The following PCSK2 variants were observed in gnomAD, a reference collection of about 807,000 sequenced individuals.
PCSK2 encodes the protein neuroendocrine convertase 2.
PCSK2 carries 14 observed loss-of-function variants against 69.7 expected under a neutral mutation model. The ratio of observed to expected loss-of-function variants is 0.20; its 90% CI spans 0.13 to 0.31. PCSK2 has a LOEUF of 0.31. Among genes scored for constraint, PCSK2 ranks in the 10% least tolerant of loss-of-function variants. The pLI, the probability that PCSK2 is intolerant of heterozygous loss-of-function variation, is 1.00. For missense variants in PCSK2, 544 were observed against 842.5 expected, an observed-to-expected ratio of 0.65 and a Z score of 4.39; for synonymous variants, 307 against 320.7, an observed-to-expected ratio of 0.96 and a Z score of 0.46.
chr20:17,304,335 T>A (rs971681381), intron 2 of PCSK2, among the ~76,000 whole-genome samples: 1 of 152,188 alleles, frequency 6.6e-6, no homozygotes, highest in Non-Finnish European at 1.5e-5. Context: ...AAGGAATTAA[T>A]AGCAGTAACA....
chr20:17,373,906 A>G (rs1384402926), intron 5 of PCSK2, among the ~76,000 whole-genome samples: 1 of 152,224 alleles, frequency 6.6e-6, no homozygotes, highest in Non-Finnish European at 1.5e-5. Context: ...GGCCACTTGG[A>G]TTATTACTCT....
chr20:17,318,928 G>A (rs1989777655), intron 2 of PCSK2, among the ~76,000 whole-genome samples: 1 of 152,138 alleles, frequency 6.6e-6, no homozygotes, highest in African/African-American at 2.4e-5. Flanking sequence ...CAGAAATGGG[G>A]GAATAAGACA....
chr20:17,434,778 C>T (rs775567233), intron 7 of PCSK2, among the ~76,000 whole-genome samples: 4 of 152,172 alleles, frequency 2.6e-5, no homozygotes, highest in Non-Finnish European at 4.4e-5. Context: ...CATCTTGGCA[C>T]TAGGCAAGTT....
chr20:17,243,870 A>G (rs1986675993), intron 1 of PCSK2, among the ~76,000 whole-genome samples: 1 of 151,918 alleles, frequency 6.6e-6, no homozygotes, highest in Non-Finnish European at 1.5e-5. Context: ...AGAAAGACAG[A>G]TAGACTAAGA....
chr20:17,243,158 T>C (rs147877142), intron 1 of PCSK2, among the ~76,000 whole-genome samples: 3 of 152,214 alleles, frequency 2.0e-5, no homozygotes, highest in Non-Finnish European at 2.9e-5. Context: ...ATAAAAGTCA[T>C]GTACTCTATA....
intron 5 of PCSK2, among the ~76,000 whole-genome samples, chr20:17,387,468 G>A (rs1040227968): frequency 5.3e-5 from 8 of 152,246 alleles, no homozygotes; most frequent in Non-Finnish European, 8.8e-5. Flanking sequence ...CTGGAGGATC[G>A]ACTTCCAAGA....
intron 7 of PCSK2, among the ~76,000 whole-genome samples, chr20:17,432,660 A>G (rs752728754): frequency 7.9e-5 from 12 of 152,370 alleles, no homozygotes; most frequent in South Asian, 6.2e-4. Flanking sequence ...AAAATCCACA[A>G]AACCAAGCAA....
chr20:17,461,253 A>G (rs1331137106), intron 10 of PCSK2, among the ~76,000 whole-genome samples: 1 of 152,184 alleles, frequency 6.6e-6, no homozygotes, highest in African/African-American at 2.4e-5. Flanking sequence ...GTGAGCAAAC[A>G]AAGGCTATGG....
chr20:17,407,305 C>T (rs1166131575), intron 5 of PCSK2, among the ~76,000 whole-genome samples: 1 of 152,126 alleles, frequency 6.6e-6, no homozygotes, highest in Non-Finnish European at 1.5e-5. Flanking sequence ...GCTGAGTGGC[C>T]ACTCGTGCTG....
In PCSK2 at chr20:17,482,060, A is replaced by G; in HGVS notation, c.1907A>G (p.Asn636Ser). ...GAGAGAAGCCTGAAAAGCATCCTTAACAAGAACTAGCGCTGCACATCCGCC... is the reference window on the plus strand; with the variant it reads ...GAGAGAAGCCTGAAAAGCATCCTTAGCAAGAACTAGCGCTGCACATCCGCC... ...AVERSLKSIL[N>S]KN is the part of the protein sequence containing the mutation. The change falls in exon 12 of 12, where the codon AAC (asparagine) becomes AGC (serine). Residue 636 changes from asparagine (N) to serine (S), a missense_variant. Asn to Ser is a conservative substitution (Grantham distance 46, BLOSUM62 1). This residue lies in a region of PCSK2 where 200 missense variants were observed against 287.8 expected (regional missense o/e 0.69). Transcript: ENST00000262545. 6.3e-7 allele frequency: 1 copy of G among 1,589,180 alleles called. No homozygotes were observed. The highest frequency in any genetic ancestry group is 8.6e-7 in the Non-Finnish European group (1 of 1,169,398).
At chr20:17,428,973 T>A (rs937007616) in intron 6 of PCSK2, among the ~76,000 whole-genome samples, 1 of 112,174 alleles carries the variant, frequency 8.9e-6, no homozygotes, top group African/African-American at 3.5e-5. Flanking sequence ...CATTCCAGCC[T>A]GGGTGACCGA....
At chr20:17,257,449 T>A (rs890224186) in intron 1 of PCSK2, among the ~76,000 whole-genome samples, 2 of 152,206 alleles carry the variant, frequency 1.3e-5, no homozygotes, top group Admixed American at 6.5e-5. Context: ...TTATAAATCA[T>A]TCTACTCTAA....
intron 9 of PCSK2, among the ~76,000 whole-genome samples, chr20:17,454,903 C>G (rs1600593595): frequency 6.6e-6 from 1 of 152,198 alleles, no homozygotes; most frequent in Non-Finnish European, 1.5e-5. Context: ...AGGAGAAGCC[C>G]TTTACCTGGA....
intron 1 of PCSK2, among the ~76,000 whole-genome samples, chr20:17,247,770 A>C (rs1986820320): frequency 6.6e-6 from 1 of 152,264 alleles, no homozygotes; most frequent in Non-Finnish European, 1.5e-5. Flanking sequence ...AGAGAACTCT[A>C]GTGTTTAAAA....
intron 11 of PCSK2, among the ~76,000 whole-genome samples, chr20:17,468,610 G>A (rs978953285): frequency 4.8e-5 from 7 of 145,908 alleles, no homozygotes; most frequent in South Asian, 2.2e-4. Context: ...GCTCCTCCAC[G>A]GGCCAGTGTC....
intron 5 of PCSK2, among the ~76,000 whole-genome samples, chr20:17,391,278 A>G (rs1411819057): frequency 2.6e-5 from 4 of 152,242 alleles, no homozygotes; most frequent in Admixed American, 6.5e-5. Flanking sequence ...ATGCTGAAAT[A>G]TTCAAAGATT....
At chr20:17,347,824 G>C (rs1320906912) in intron 2 of PCSK2, among the ~76,000 whole-genome samples, 1 of 126,580 alleles carries the variant, frequency 7.9e-6, no homozygotes, top group Non-Finnish European at 1.7e-5. Flanking sequence ...AAGAAAGAAA[G>C]AAAGAAAGAA....
At chr20:17,463,460 C>T (rs2033046189) in intron 10 of PCSK2, 1 of 152,108 alleles carries the variant, frequency 6.6e-6, no homozygotes, top group Non-Finnish European at 1.5e-5. Context: ...TCTGAATCTC[C>T]TCAAATAAGC....
At chr20:17,379,344 G>A (rs766649730) in intron 5 of PCSK2, among the ~76,000 whole-genome samples, 2 of 152,240 alleles carry the variant, frequency 1.3e-5, no homozygotes, top group Non-Finnish European at 2.9e-5. Context: ...GGCAAATGTG[G>A]ATCTGATGGA....
Sources: gnomAD v4.1 joint callset for allele counts (sites outside exome capture counted in the v4.1 genomes callset) on GRCh38, gnomAD v4.1.1 for gene constraint, gnomAD v4.1.1 regional missense constraint, MANE v1.5 for transcripts, NCBI Gene and HGNC (gene_info 2026-07-23, HGNC 2026-07-21) for gene names.